INSR: variants seen among roughly 807,000 people sequenced by gnomAD.
INSR encodes the protein IR.
In INSR, 67 loss-of-function variants were observed where a neutral mutation model predicts 142.6. The ratio of observed to expected loss-of-function variants is 0.47; its 90% CI spans 0.39 to 0.58. INSR has a LOEUF of 0.58. Among genes scored for constraint, INSR ranks in the 20% least tolerant of loss-of-function variants. The pLI is 0.00. For synonymous variants in INSR, 756 were observed against 743.1 expected, an observed-to-expected ratio of 1.02 and a Z score of -0.28; for missense variants, 1,248 against 1,833.2, an observed-to-expected ratio of 0.68 and a Z score of 5.83.
chr19:7,134,250 G>C (rs1972853757), intron 13 of INSR, among the ~76,000 whole-genome samples: 1 of 152,226 alleles, frequency 6.6e-6, no homozygotes, highest in Non-Finnish European at 1.5e-5. Context: ...TTCTCCTTAA[G>C]ACCACTGCAG....
chr19:7,249,479 T>G (rs1203908241), intron 2 of INSR, among the ~76,000 whole-genome samples: 3 of 152,174 alleles, frequency 2.0e-5, no homozygotes, highest in Non-Finnish European at 2.9e-5. Context: ...CGGCACCGTT[T>G]TACCGCAGAA....
Position 7,125,257 on chromosome 19 carries a change from C to G in INSR, c.3258+26G>C. 3 of 1,613,620 alleles carry G rather than the reference C, an allele frequency of 1.9e-6. No homozygotes were observed. Among genetic ancestry groups the G allele is most frequent in the Non-Finnish European group, 2.5e-6 (3 of 1,179,986 alleles). On this transcript the variant is annotated intron_variant, in intron 17 of 21. Coordinates refer to ENST00000302850, the MANE Select transcript of INSR (RefSeq NM_000208.4). This position sits in a 1 kb window ranked among gnomAD's most constrained non-coding sequence, Gnocchi z 4.9. ...AAAGGGAAGGGTCAGGAAAGCCAGCCCATGTCCCACCCCCACTGGACTCAC... is the reference window on the plus strand; with the variant it reads ...AAAGGGAAGGGTCAGGAAAGCCAGCGCATGTCCCACCCCCACTGGACTCAC...
chr19:7,236,348 A>G (rs548533479), intron 2 of INSR, among the ~76,000 whole-genome samples: 2 of 152,180 alleles, frequency 1.3e-5, no homozygotes, highest in Non-Finnish European at 2.9e-5. Flanking sequence ...GCATTGGTCC[A>G]CATAAAAGAC....
Position 7,293,801 on chromosome 19 carries a change from G to C in INSR, c.91C>G (p.Pro31Ala). 7.4e-7 allele frequency: 1 copy of C among 1,358,060 alleles called. No homozygotes were observed. Among genetic ancestry groups the C allele is most frequent in the Non-Finnish European group, 9.5e-7 (1 of 1,050,702 alleles). 84.1% of individuals were successfully genotyped at this position (1,358,060 alleles called of 1,614,324 possible). ...LLLGAAGHLY[P>A]GEVCPGMDIR... ...GCGCCCCCAGACTCACCCTCTCCGG[G>C]GTACAGGTGGCCCGCGGCGCCCAGT... Residue 31 changes from proline to alanine, a missense_variant, in exon 1 of 22, where the codon CCC (proline) becomes GCC (alanine). Physicochemically the swap from Pro to Ala is conservative, Grantham distance 27 (BLOSUM62 -1). Coordinates refer to ENST00000302850, the MANE Select transcript of INSR (RefSeq NM_000208.4).
At position 7,119,273 on chromosome 19, in the gene INSR, T is replaced by C. The variant is rs1031757101; in HGVS notation, c.3794+176A>G. ...CAAGTGTGTGTACCACAATGCAATA[T>C]GCAAATGCAAGCATGCATGTAAAGA... On this transcript the variant is annotated intron_variant, in intron 21 of 21. Coordinates refer to ENST00000302850, the MANE Select transcript of INSR (RefSeq NM_000208.4). The surrounding 1 kb of genome is among the most constrained non-coding windows in gnomAD (Gnocchi z 5.2). 6.6e-6 allele frequency among the ~76,000 whole-genome samples: 1 copy of C among 152,188 alleles called. No homozygotes were observed. Among genetic ancestry groups the C allele is most frequent in the African/African-American group, 2.4e-5 (1 of 41,444 alleles).
chr19:7,132,432 C>A, intron 13 of INSR, 115 bp from the exon 14 acceptor site: 12 of 1,154,758 alleles, frequency 1.0e-5, no homozygotes, highest in Non-Finnish European at 8.8e-6. Flanking sequence ...GCCAAGGCAG[C>A]AAAGCACAGA....
At chr19:7,235,991 A>T (rs1428790139) in intron 2 of INSR, among the ~76,000 whole-genome samples, 7 of 63,874 alleles carry the variant, frequency 1.1e-4, no homozygotes, top group Admixed American at 4.4e-4. Context: ...TTTTTTTTTT[A>T]AAGACAGAGT....
At chr19:7,199,966 C>T (rs1432608103) in intron 2 of INSR, among the ~76,000 whole-genome samples, 4 of 151,994 alleles carry the variant, frequency 2.6e-5, no homozygotes, top group African/African-American at 9.7e-5. Context: ...AGGTGACTGT[C>T]CCTTTATCAC....
At chr19:7,221,509 A>G in intron 2 of INSR, among the ~76,000 whole-genome samples, 1 of 152,026 alleles carries the variant, frequency 6.6e-6, no homozygotes, top group Non-Finnish European at 1.5e-5. Context: ...GGAGTTCGAG[A>G]CCAGCCTGGC....
intron 1 of INSR, among the ~76,000 whole-genome samples, chr19:7,288,054 C>T (rs1465355264): frequency 6.6e-6 from 1 of 152,082 alleles, no homozygotes; most frequent in Non-Finnish European, 1.5e-5. Flanking sequence ...ATGAAGAAGT[C>T]GGAATCTATG....
intron 2 of INSR, among the ~76,000 whole-genome samples, chr19:7,215,390 A>G (rs1211163247): frequency 6.6e-6 from 1 of 151,692 alleles, no homozygotes; most frequent in Non-Finnish European, 1.5e-5. Context: ...CAGACTCTCA[A>G]TTCCAGCAGA....
In INSR at chr19:7,166,122, C is replaced by T. The variant is rs538153576; in HGVS notation, c.1861+32G>A. On this transcript the variant is annotated intron_variant, in intron 8 of 21. Transcript: ENST00000302850. The surrounding 1 kb of genome is among the most constrained non-coding windows in gnomAD (Gnocchi z 4.1). Reference sequence around the variant, plus strand: ...TATTAAAAGCAAGAGGTCTGATTCACATACGAATTCACATTCCCAAGACAC... The same window carrying T: ...TATTAAAAGCAAGAGGTCTGATTCATATACGAATTCACATTCCCAAGACAC... 5.6e-6 allele frequency: 9 copies of T among 1,612,980 alleles called. No individual in the cohort carries two copies. In the South Asian group the frequency reaches 9.9e-5, roughly 18 times the overall value.
chr19:7,215,556 GTATT>G (rs146786396), intron 2 of INSR, among the ~76,000 whole-genome samples: 10 of 148,292 alleles, frequency 6.7e-5, no homozygotes, highest in South Asian at 2.2e-4. Flanking sequence ...TCCTTTTCCT[GTATT>G]TATTTATTTA....
At chr19:7,196,232 G>C (rs1277087164) in intron 2 of INSR, among the ~76,000 whole-genome samples, 1 of 152,186 alleles carries the variant, frequency 6.6e-6, no homozygotes, top group African/African-American at 2.4e-5. Flanking sequence ...ACCACGCCTG[G>C]CCTCAGAACT....
At chr19:7,236,161 C>T (rs2145138139) in intron 2 of INSR, among the ~76,000 whole-genome samples, 1 of 118,346 alleles carries the variant, frequency 8.4e-6, no homozygotes, top group Admixed American at 7.9e-5. Context: ...GGGGTTTCAC[C>T]ACGTTGGCCA....
chr19:7,191,003 T>A (rs567149575), intron 2 of INSR, among the ~76,000 whole-genome samples: 120 of 152,118 alleles, frequency 7.9e-4, no homozygotes, highest in African/African-American at 2.7e-3. Flanking sequence ...TTGTCAATTT[T>A]AAAAAAATAG....
Position 7,267,885 on chromosome 19 carries a change from T to C in INSR, c.112A>G (p.Met38Val), listed in dbSNP as rs1967788976. The C allele has an allele frequency of 6.2e-7, 1 of 1,613,398 alleles. No individual in the cohort carries two copies. Among genetic ancestry groups the C allele is most frequent in the South Asian group, 1.1e-5 (1 of 90,948 alleles). ...CTAGTGAGGTTGTTCCGGATATCCA[T>C]GCCGGGACACACTACAAGAGAAAAT... The part of the protein sequence containing the change: ...HLYPGEVCPG[M>V]DIRNNLTRLH... Residue 38 changes from methionine (M) to valine (V), a missense_variant, in exon 2 of 22, where the codon ATG (methionine) becomes GTG (valine). By Grantham distance (21) the Met-to-Val change is conservative. Transcript: ENST00000302850. This position sits in a 1 kb window ranked among gnomAD's most constrained non-coding sequence, Gnocchi z 6.3.
chr19:7,282,980 G>GTAATAAAAA (rs1968249428), intron 1 of INSR, among the ~76,000 whole-genome samples: 1 of 146,416 alleles, frequency 6.8e-6, no homozygotes, highest in Admixed American at 6.8e-5. Flanking sequence ...CTCAAAAAAA[G>GTAATAAAAA]TAATAATAAT....
rs370786373 is a variant in INSR at position 7,217,708 on chromosome 19, C to T, written c.653-33071G>A. On this transcript the variant is annotated intron_variant, in intron 2 of 21. Coordinates refer to ENST00000302850, the MANE Select transcript of INSR (RefSeq NM_000208.4). ...CCAAGTAGGTGGGACTACAGGAGCC[C>T]GCCACCACACCTGGCTAATTTTTTG... Among the ~76,000 whole-genome samples, 7 of 152,218 alleles carry T rather than the reference C, an allele frequency of 4.6e-5. No individual in the cohort carries two copies. In the East Asian group the frequency reaches 9.7e-4, roughly 21 times the overall value.
Sources: gnomAD v4.1 joint callset for allele counts (sites outside exome capture counted in the v4.1 genomes callset) on GRCh38, gnomAD v4.1.1 for gene constraint, Gnocchi (gnomAD v3.1) non-coding constraint, MANE v1.5 for transcripts, NCBI Gene and HGNC (gene_info 2026-07-23, HGNC 2026-07-21) for gene names.